HPSE2: variants seen among roughly 807,000 people sequenced by gnomAD.
HPSE2 encodes heparanase 2 (inactive), also known as inactive heparanase-2.
HPSE2 carries 38 observed loss-of-function variants against 60.5 expected under a neutral mutation model. The observed-to-expected ratio is 0.63, with a 90% CI of 0.48 to 0.82. The LOEUF (loss-of-function observed/expected upper bound fraction) is 0.82. HPSE2 is among the 40% of genes least tolerant of loss of function. HPSE2 has a pLI of 0.00. For synonymous variants in HPSE2, 295 were observed against 293.2 expected (o/e 1.01, Z -0.06); for missense variants, 713 against 740.4 (o/e 0.96, Z 0.43).
At chr10:99,165,232 C>T (rs920994315) in intron 2 of HPSE2, among the ~76,000 whole-genome samples, 2 of 151,866 alleles carry the variant, frequency 1.3e-5, no homozygotes, top group African/African-American at 4.8e-5. Context: ...TTCAGAATTG[C>T]TAACCCATAC....
At chr10:98,500,341 G>C (rs1315160858) in intron 9 of HPSE2, among the ~76,000 whole-genome samples, 1 of 152,070 alleles carries the variant, frequency 6.6e-6, no homozygotes, top group Admixed American at 6.5e-5. Context: ...GACCACAGTG[G>C]AATAAAACTG....
At chr10:99,214,791 A>G (rs1249881595) in intron 2 of HPSE2, among the ~76,000 whole-genome samples, 1 of 152,190 alleles carries the variant, frequency 6.6e-6, no homozygotes, top group Admixed American at 6.5e-5. Flanking sequence ...ATGAACAGAC[A>G]CTTCTCAAAA....
At chr10:99,308,106 G>A in the HPSE2 span, among the ~76,000 whole-genome samples, 37 of 151,824 alleles carry the variant, frequency 2.4e-4, no homozygotes, top group African/African-American at 8.0e-4. Context: ...GGAAACAATC[G>A]GCCAGGTGCG....
chr10:98,709,164 C>T (rs1422011565), intron 5 of HPSE2, among the ~76,000 whole-genome samples: 2 of 152,152 alleles, frequency 1.3e-5, no homozygotes, highest in Non-Finnish European at 2.9e-5. Context: ...CTGGCCCAAA[C>T]CACATAAATG....
chr10:98,695,438 C>T (rs1948186710), intron 5 of HPSE2, among the ~76,000 whole-genome samples: 1 of 152,126 alleles, frequency 6.6e-6, no homozygotes, highest in Non-Finnish European at 1.5e-5. Flanking sequence ...GTTTGATGGG[C>T]AGGGCCAAAA....
At chr10:99,165,081 C>CA (rs56263581) in intron 2 of HPSE2, among the ~76,000 whole-genome samples, 36,985 of 65,578 alleles carry the variant, frequency 0.56, 11,037 homozygotes, top group Non-Finnish European at 0.68. Context: ...GACTCGGTCT[C>CA]AAAAAAAAAA....
intron 2 of HPSE2, among the ~76,000 whole-genome samples, chr10:99,194,895 G>C (rs926483473): frequency 4.0e-5 from 6 of 151,864 alleles, no homozygotes; most frequent in African/African-American, 1.5e-4. Flanking sequence ...ATTCTACAAG[G>C]CCAGGATTAT....
chr10:99,150,472 C>T (rs1427203594), intron 2 of HPSE2, among the ~76,000 whole-genome samples: 1 of 152,130 alleles, frequency 6.6e-6, no homozygotes. Flanking sequence ...GGACACACCA[C>T]CATACCTGGC....
intron 3 of HPSE2, among the ~76,000 whole-genome samples, chr10:99,088,466 A>C (rs1843402214): frequency 6.6e-6 from 1 of 152,106 alleles, no homozygotes; most frequent in African/African-American, 2.4e-5. Context: ...TTGGTTTTCC[A>C]TTCCTTAGTT....
chr10:99,313,639 C>T, the HPSE2 span, among the ~76,000 whole-genome samples: 7 of 110,432 alleles, frequency 6.3e-5, no homozygotes, highest in East Asian at 3.1e-4. Flanking sequence ...CTCACTCTGT[C>T]GCCAGGCCGG....
At chr10:98,503,261 A>T (rs1033799633) in intron 9 of HPSE2, among the ~76,000 whole-genome samples, 1 of 152,106 alleles carries the variant, frequency 6.6e-6, no homozygotes, top group Non-Finnish European at 1.5e-5. Context: ...GAGTAAAAGA[A>T]AACACTCAAC....
At chr10:98,826,124 A>T (rs542620181) in intron 3 of HPSE2, among the ~76,000 whole-genome samples, 4 of 152,206 alleles carry the variant, frequency 2.6e-5, no homozygotes, top group African/African-American at 9.6e-5. Flanking sequence ...TTATTTCCCC[A>T]CTAAAATGTA....
At chr10:99,234,607 G>A (rs1849778225) in intron 1 of HPSE2, among the ~76,000 whole-genome samples, 1 of 152,128 alleles carries the variant, frequency 6.6e-6, no homozygotes, top group Non-Finnish European at 1.5e-5. Flanking sequence ...TTGCCTAACT[G>A]CCAAACTGCA....
the HPSE2 span, among the ~76,000 whole-genome samples, chr10:99,305,943 A>G: frequency 0.094 from 12,287 of 130,574 alleles, 648 homozygotes; most frequent in South Asian, 0.2. Flanking sequence ...TCAATAGAAA[A>G]TATCCAAACT....
At chr10:99,195,682 A>G (rs1848372026) in intron 2 of HPSE2, among the ~76,000 whole-genome samples, 1 of 152,154 alleles carries the variant, frequency 6.6e-6, no homozygotes, top group Non-Finnish European at 1.5e-5. Context: ...AGTGAAAACT[A>G]TAAAACATTG....
At chr10:99,272,546 C>A in the HPSE2 span, among the ~76,000 whole-genome samples, 1 of 151,688 alleles carries the variant, frequency 6.6e-6, no homozygotes, top group African/African-American at 2.4e-5. Context: ...GACTGATATC[C>A]GGAATCTATA....
chr10:99,194,682 T>C (rs1039952294), intron 2 of HPSE2, among the ~76,000 whole-genome samples: 2 of 151,684 alleles, frequency 1.3e-5, no homozygotes, highest in African/African-American at 4.8e-5. Context: ...CTCACCAAGA[T>C]TGAACCATGA....
At chr10:99,257,077 A>G in the HPSE2 span, among the ~76,000 whole-genome samples, 2 of 152,224 alleles carry the variant, frequency 1.3e-5, no homozygotes, top group Non-Finnish European at 2.9e-5. Flanking sequence ...TTCCCCAATC[A>G]ATACCCTTGT....
intron 5 of HPSE2, among the ~76,000 whole-genome samples, chr10:98,707,368 G>C (rs576160093): frequency 2.0e-4 from 31 of 152,230 alleles, no homozygotes; most frequent in African/African-American, 7.2e-4. Context: ...AAAGTCTCTG[G>C]ACAGGCAATT....
Sources: gnomAD v4.1 joint callset for allele counts (sites outside exome capture counted in the v4.1 genomes callset) on GRCh38, gnomAD v4.1.1 for gene constraint, MANE v1.5 for transcripts, NCBI Gene and HGNC (gene_info 2026-07-23, HGNC 2026-07-21) for gene names.